The following NRXN3 variants were observed in gnomAD, a reference collection of about 807,000 sequenced individuals.
NRXN3 encodes neurexin 3.
NRXN3 carries 32 observed loss-of-function variants against 137.6 expected under a neutral mutation model. That is an observed-to-expected ratio of 0.23 (90% CI 0.18 to 0.31). The LOEUF (loss-of-function observed/expected upper bound fraction) is 0.31. NRXN3 is among the 10% of genes least tolerant of loss of function. The probability of loss-of-function intolerance (pLI) is 1.00; values close to 1 mark genes in which losing one functional copy is unlikely to be tolerated. For missense variants in NRXN3, 1,574 were observed against 2,062.5 expected (o/e 0.76, Z 4.59); for synonymous variants, 798 against 784.5 (o/e 1.02, Z -0.29).
chr14:79,431,294 T>C (rs1046594460), intron 15 of NRXN3, among the ~76,000 whole-genome samples: 8 of 152,156 alleles, frequency 5.3e-5, no homozygotes, highest in Non-Finnish European at 1.2e-4. Flanking sequence ...GGTATAGAAA[T>C]ACACTTCAGC....
intron 19 of NRXN3, among the ~76,000 whole-genome samples, chr14:79,738,330 C>CACACACACACACACACACACACACACAG (rs2098949258): frequency 6.7e-6 from 1 of 148,512 alleles, no homozygotes. Flanking sequence ...CACACACACA[C>CACACACACACACACACACACACACACAG]ACACACACAC....
chr14:79,433,754 C>A (rs990390992), intron 15 of NRXN3, among the ~76,000 whole-genome samples: 1 of 152,172 alleles, frequency 6.6e-6, no homozygotes, highest in African/African-American at 2.4e-5. Flanking sequence ...TGAACACTTG[C>A]CATTTTTTAT....
chr14:79,586,660 G>A (rs1488251701), intron 16 of NRXN3, among the ~76,000 whole-genome samples: 1 of 152,170 alleles, frequency 6.6e-6, no homozygotes, highest in Non-Finnish European at 1.5e-5. Context: ...ATTGTAGGTT[G>A]AGGGTGCAGT....
chr14:78,831,550 A>C (rs1030266098), intron 10 of NRXN3, among the ~76,000 whole-genome samples: 5 of 151,004 alleles, frequency 3.3e-5, no homozygotes, highest in East Asian at 1.9e-4. Context: ...AAAAAAAAAA[A>C]AAAAAAAAAA....
intron 2 of NRXN3, among the ~76,000 whole-genome samples, chr14:78,269,605 G>A (rs569307651): frequency 2.6e-5 from 4 of 152,158 alleles, no homozygotes; most frequent in Non-Finnish European, 5.9e-5. Context: ...CATGTTATGT[G>A]TATTTTATCA....
rs549745108 is a variant in NRXN3, at chr14:79,096,607, AT to A, written c.3262+108467del. Among the ~76,000 whole-genome samples the A allele has an allele frequency of 6.2e-3, 79 of 12,660 alleles. 1 individual carries two copies. In the South Asian group the frequency reaches 0.067, roughly 11 times the overall value. The allele number at this position is 12,660 out of a possible 152,430, so 8.3% of individuals were successfully genotyped here. A position where few individuals can be genotyped will look rare whatever the true frequency, so the allele number is the denominator to read the frequency against. ...GTGAAAATTGAGATAATGTGTAAAA[AT>A]AAAAAAAAAAAACTACTAGCACTAT... On this transcript the variant is annotated intron_variant, in intron 15 of 20. Transcript: ENST00000335750.
At chr14:79,575,601 CAG>C (rs1051978380) in intron 16 of NRXN3, among the ~76,000 whole-genome samples, 3 of 152,042 alleles carry the variant, frequency 2.0e-5, no homozygotes, top group African/African-American at 7.2e-5. Flanking sequence ...TCAACTTTTG[CAG>C]AGTTTTTGCC....
At chr14:78,898,381 C>A (rs2099184731) in intron 10 of NRXN3, among the ~76,000 whole-genome samples, 1 of 151,916 alleles carries the variant, frequency 6.6e-6, no homozygotes, top group Admixed American at 6.6e-5. Flanking sequence ...AGAGAACTTA[C>A]AACTCCAGCA....
chr14:78,963,996 T>A (rs2099412926), intron 11 of NRXN3, among the ~76,000 whole-genome samples: 1 of 152,078 alleles, frequency 6.6e-6, no homozygotes, highest in Non-Finnish European at 1.5e-5. Context: ...CTTGAACTCC[T>A]AGCCTCAAGT....
At chr14:79,286,671 T>A (rs2082321261) in intron 15 of NRXN3, among the ~76,000 whole-genome samples, 1 of 151,722 alleles carries the variant, frequency 6.6e-6, no homozygotes, top group African/African-American at 2.4e-5. Context: ...TGCGTGCTGA[T>A]GTTGATAATA....
chr14:79,611,398 G>A (rs1242867758), intron 16 of NRXN3: 1 of 152,224 alleles, frequency 6.6e-6, no homozygotes, highest in African/African-American at 2.4e-5. Flanking sequence ...AGGAGATCAA[G>A]ACCATCCTGG....
At chr14:78,402,543 G>A (rs1270026998) in intron 4 of NRXN3, among the ~76,000 whole-genome samples, 1 of 152,134 alleles carries the variant, frequency 6.6e-6, no homozygotes, top group East Asian at 1.9e-4. Flanking sequence ...ATATAGCAGA[G>A]GAGTAAAGTG....
In NRXN3 at chr14:79,447,524, A is replaced by T. The variant is rs144122329; in HGVS notation, c.3263-19697A>T. Reference sequence around the variant, plus strand: ...ATGTGTTTATCCTACCAGGGTCCAAAATTTCTATTTTCATGTATTCTCCTT... The same window carrying T: ...ATGTGTTTATCCTACCAGGGTCCAATATTTCTATTTTCATGTATTCTCCTT... On this transcript the variant is annotated intron_variant, in intron 15 of 20. Coordinates refer to ENST00000335750, the MANE Select transcript of NRXN3 (RefSeq NM_001330195.2). 2.7e-4 allele frequency among the ~76,000 whole-genome samples: 41 copies of T among 152,268 alleles called. 1 individual carries two copies. The highest frequency in any genetic ancestry group is 9.4e-4 in the African/African-American group (39 of 41,560).
intron 10 of NRXN3, among the ~76,000 whole-genome samples, chr14:78,902,689 C>T (rs1160251991): frequency 6.6e-6 from 1 of 151,874 alleles, no homozygotes; most frequent in Admixed American, 6.6e-5. Flanking sequence ...ATACTTTAGC[C>T]TGATGTACAA....
intron 20 of NRXN3, among the ~76,000 whole-genome samples, chr14:79,806,623 T>C (rs1230711130): frequency 1.3e-5 from 2 of 152,052 alleles, no homozygotes; most frequent in Admixed American, 6.6e-5. Context: ...TTGGGTGCCA[T>C]GTTTTCATTA....
chr14:78,553,073 A>T (rs2096707626), intron 4 of NRXN3, among the ~76,000 whole-genome samples: 2 of 152,152 alleles, frequency 1.3e-5, no homozygotes, highest in South Asian at 4.1e-4. Flanking sequence ...CATCATAACA[A>T]CCTTATGAAG....
chr14:79,653,499 C>T (rs2098487258), intron 16 of NRXN3, among the ~76,000 whole-genome samples: 1 of 152,142 alleles, frequency 6.6e-6, no homozygotes, highest in Non-Finnish European at 1.5e-5. Flanking sequence ...GCTCCATCTC[C>T]TCCATTACCA....
rs745556707 is a variant in NRXN3, at chr14:78,901,478, G to A, written c.2276-55764G>A. 7.9e-5 allele frequency among the ~76,000 whole-genome samples: 12 copies of A among 151,986 alleles called. No homozygotes were observed. The East Asian group carries it at 9.7e-4, about 12-fold the overall frequency. ...ACATCTTTCTGATGTCATAGCTTAT[G>A]AAATAAAAGTCTATAAGTATGTGAC... On this transcript the variant is annotated intron_variant, in intron 10 of 20. Coordinates refer to ENST00000335750, the MANE Select transcript of NRXN3 (RefSeq NM_001330195.2).
chr14:79,393,544 T>C (rs892222362), intron 15 of NRXN3, among the ~76,000 whole-genome samples: 2 of 152,118 alleles, frequency 1.3e-5, no homozygotes, highest in Admixed American at 1.3e-4. Context: ...TAAAAGCACA[T>C]ATTGATTAAA....
Sources: gnomAD v4.1 joint callset for allele counts (sites outside exome capture counted in the v4.1 genomes callset) on GRCh38, gnomAD v4.1.1 for gene constraint, MANE v1.5 for transcripts, NCBI Gene and HGNC (gene_info 2026-07-23, HGNC 2026-07-21) for gene names.